The following KIAA1328 variants were observed in gnomAD, a reference collection of about 807,000 sequenced individuals.
KIAA1328 encodes KIAA1328, also known as protein hinderin.
A neutral mutation model predicts 68.1 loss-of-function variants in KIAA1328; 52 were observed. The observed-to-expected ratio is 0.76, with a 90% CI of 0.61 to 0.96. The LOEUF (loss-of-function observed/expected upper bound fraction) is 0.96. Among genes scored for constraint, KIAA1328 ranks in the 40% least tolerant of loss-of-function variants. The probability of loss-of-function intolerance (pLI) is 0.00; values close to 1 mark genes in which losing one functional copy is unlikely to be tolerated. For synonymous variants in KIAA1328, 232 were observed against 239.4 expected (o/e 0.97, Z 0.28); for missense variants, 641 against 677.6 (o/e 0.95, Z 0.60).
chr18:36,992,390 C>T (rs1459520115), intron 6 of KIAA1328, among the ~76,000 whole-genome samples: 1 of 149,792 alleles, frequency 6.7e-6, no homozygotes, highest in East Asian at 1.9e-4. Flanking sequence ...GTTTCTAATT[C>T]ATTTGCAATT....
chr18:37,106,886 C>G (rs1182581046), intron 7 of KIAA1328, among the ~76,000 whole-genome samples: 1 of 152,090 alleles, frequency 6.6e-6, no homozygotes, highest in Non-Finnish European at 1.5e-5. Context: ...TAAGCTTTTC[C>G]CCTTTTCTCC....
intron 6 of KIAA1328, among the ~76,000 whole-genome samples, chr18:36,965,678 A>C (rs756846346): frequency 2.7e-5 from 4 of 150,870 alleles, no homozygotes; most frequent in Admixed American, 6.6e-5. Context: ...GCCAAAAAAA[A>C]AAGTTTTATA....
intron 9 of KIAA1328, among the ~76,000 whole-genome samples, chr18:37,208,339 A>G (rs986686445): frequency 6.6e-5 from 10 of 152,174 alleles, no homozygotes; most frequent in African/African-American, 1.4e-4. Context: ...TTAATTTATG[A>G]CAAGTTCTAG....
At chr18:37,154,608 G>T (rs1415382501) in intron 7 of KIAA1328, among the ~76,000 whole-genome samples, 1 of 151,916 alleles carries the variant, frequency 6.6e-6, no homozygotes, top group African/African-American at 2.4e-5. Context: ...TGTATCCATT[G>T]CCATAGCTAA....
intron 7 of KIAA1328, among the ~76,000 whole-genome samples, chr18:37,149,456 A>T (rs2058979194): frequency 6.6e-6 from 1 of 152,216 alleles, no homozygotes; most frequent in Non-Finnish European, 1.5e-5. Context: ...AAACCCTAGA[A>T]GAAAATCTAG....
intron 7 of KIAA1328, among the ~76,000 whole-genome samples, chr18:37,089,371 C>CTTTTT (rs3085910): frequency 9.4e-5 from 9 of 95,290 alleles, no homozygotes; most frequent in Non-Finnish European, 1.2e-4. Flanking sequence ...AAGGTAGTGG[C>CTTTTT]TTTTTTTTTT....
chr18:37,160,746 C>G (rs546315033), intron 8 of KIAA1328, among the ~76,000 whole-genome samples: 1 of 152,246 alleles, frequency 6.6e-6, no homozygotes, highest in East Asian at 1.9e-4. Flanking sequence ...ACAGTTAATC[C>G]TCAATTGACT....
intron 7 of KIAA1328, among the ~76,000 whole-genome samples, chr18:37,080,637 T>G (rs1214958945): frequency 6.6e-6 from 1 of 151,930 alleles, no homozygotes. Context: ...TAGCCGGGCA[T>G]GGTGGCAGGC....
intron 9 of KIAA1328, among the ~76,000 whole-genome samples, chr18:37,192,953 A>C (rs1453698031): frequency 6.6e-6 from 1 of 152,220 alleles, no homozygotes; most frequent in Non-Finnish European, 1.5e-5. Context: ...AATTCTTCTT[A>C]AATAATTTTA....
chr18:36,851,523 A>C (rs2047211019), intron 4 of KIAA1328, among the ~76,000 whole-genome samples: 1 of 146,146 alleles, frequency 6.8e-6, no homozygotes, highest in South Asian at 2.2e-4. Context: ...CTCTTGAGTC[A>C]GTTTTGGTAA....
intron 6 of KIAA1328, among the ~76,000 whole-genome samples, chr18:36,990,894 A>G (rs2053150800): frequency 6.6e-6 from 1 of 152,162 alleles, no homozygotes; most frequent in African/African-American, 2.4e-5. Context: ...TTGTACATTT[A>G]TAACATATTA....
intron 9 of KIAA1328, among the ~76,000 whole-genome samples, chr18:37,207,693 A>G (rs1043550096): frequency 6.6e-6 from 1 of 152,256 alleles, no homozygotes; most frequent in Non-Finnish European, 1.5e-5. Flanking sequence ...GCCACTTCAC[A>G]TCTTAGGCTA....
rs1049041609 is a variant in KIAA1328 at position 36,872,667 on chromosome 18, C to A, written c.333-12890C>A. On this transcript the variant is annotated intron_variant, in intron 4 of 9. Transcript: ENST00000280020. ...ATTTACTTCAGTCTCTACTTCCTAC[C>A]CAAGATGTCCAGATAGCAATAAAAA... Among the ~76,000 whole-genome samples the A allele has an allele frequency of 9.2e-5, 14 of 152,012 alleles. No individual in the cohort carries two copies. The South Asian group carries it at 2.7e-3, about 29-fold the overall frequency.
At chr18:37,009,312 G>A (rs767124717) in intron 6 of KIAA1328, among the ~76,000 whole-genome samples, 2 of 152,060 alleles carry the variant, frequency 1.3e-5, no homozygotes, top group African/African-American at 4.8e-5. Context: ...TTGCAGATGG[G>A]GTGGCACTGA....
chr18:36,868,809 A>AT (rs573570971), intron 4 of KIAA1328, among the ~76,000 whole-genome samples: 36 of 152,222 alleles, frequency 2.4e-4, no homozygotes, highest in Non-Finnish European at 4.3e-4. Flanking sequence ...AGATACATTG[A>AT]TTTTTCCCAG....
chr18:36,860,137 G>A (rs1160702316), intron 4 of KIAA1328, among the ~76,000 whole-genome samples: 2 of 151,956 alleles, frequency 1.3e-5, no homozygotes, highest in Non-Finnish European at 2.9e-5. Context: ...TGAAAAGAAT[G>A]TATTTTGTGT....
intron 4 of KIAA1328, among the ~76,000 whole-genome samples, chr18:36,860,702 TA>T (rs2047538057): frequency 6.6e-6 from 1 of 152,178 alleles, no homozygotes; most frequent in South Asian, 2.1e-4. Flanking sequence ...TGTAATATTT[TA>T]AAATAATTTT....
chr18:37,082,163 A>G (rs867659380), intron 7 of KIAA1328, among the ~76,000 whole-genome samples: 1 of 133,930 alleles, frequency 7.5e-6, no homozygotes, highest in African/African-American at 2.9e-5. Flanking sequence ...ACCTGCCCCA[A>G]GGATTTTTTT....
intron 1 of KIAA1328, among the ~76,000 whole-genome samples, chr18:36,832,185 TAGAA>T (rs1459156189): frequency 6.6e-5 from 10 of 152,188 alleles, no homozygotes; most frequent in African/African-American, 1.9e-4. Context: ...TACAAATTAT[TAGAA>T]AGGATAGAGG....
Sources: allele counts gnomAD v4.1 joint callset (sites outside exome capture counted in the v4.1 genomes callset), GRCh38; gene constraint gnomAD v4.1.1; transcripts MANE v1.5; gene names NCBI Gene and HGNC (gene_info 2026-07-23, HGNC 2026-07-21).